BCL2: variants seen among roughly 807,000 people sequenced by gnomAD.
The protein encoded by BCL2 is BCL2 apoptosis regulator.
Under a neutral mutation model 14.2 loss-of-function variants are expected in BCL2, and 1 was observed. That is an observed-to-expected ratio of 0.07 (90% CI 0.02 to 0.33). The LOEUF is 0.33. BCL2 is among the 10% of genes least tolerant of loss of function. The pLI is 0.99. For synonymous variants in BCL2, 151 were observed against 137.2 expected (o/e 1.10, Z -0.70); for missense variants, 247 against 305.9 (o/e 0.81, Z 1.44).
chr18:63,189,655 C>CA (rs1909229555), intron 2 of BCL2, among the ~76,000 whole-genome samples: 1 of 152,106 alleles, frequency 6.6e-6, no homozygotes, highest in South Asian at 2.1e-4. Context: ...GGAAGCCCCC[C>CA]AGATTGCCGA....
intron 2 of BCL2, among the ~76,000 whole-genome samples, chr18:63,243,559 C>T (rs1198400776): frequency 6.6e-6 from 1 of 152,058 alleles, no homozygotes; most frequent in African/African-American, 2.4e-5. Flanking sequence ...AAAAATTCAC[C>T]AGCATCCCAC....
At chr18:63,287,797 A>G (rs149788549) in intron 2 of BCL2, among the ~76,000 whole-genome samples, 1 of 152,352 alleles carries the variant, frequency 6.6e-6, no homozygotes, top group African/African-American at 2.4e-5. Context: ...CCAGAGATCT[A>G]GGGAAGAGAG....
At chr18:63,266,949 GA>G in intron 2 of BCL2, among the ~76,000 whole-genome samples, 1 of 152,240 alleles carries the variant, frequency 6.6e-6, no homozygotes, top group African/African-American at 2.4e-5. Flanking sequence ...AGACATCTCT[GA>G]AAAGTGCCCT....
rs1568222808 is a variant in BCL2, at chr18:63,169,395, TTCTTTCTTTTTCTTTC to T, written c.586-40652_586-40637del. 5.9e-3 allele frequency among the ~76,000 whole-genome samples: 725 copies of T among 123,210 alleles called. 77 individuals carry two copies. The highest frequency in any genetic ancestry group is 0.021 in the African/African-American group (522 of 24,864). 80.8% of individuals were successfully genotyped at this position (123,210 alleles called of 152,430 possible). ...TCTTTCTTTCTTTCTTTCTTTTTCT[TTCTTTCTTTTTCTTTC>T]TCTCTCTCTCTCTCTCTTTCTTTTT... On this transcript the variant is annotated intron_variant, in intron 2 of 2. Coordinates refer to ENST00000333681, the MANE Select transcript of BCL2 (RefSeq NM_000633.3).
chr18:63,231,582 G>A (rs1163945973), intron 2 of BCL2, among the ~76,000 whole-genome samples: 2 of 151,878 alleles, frequency 1.3e-5, no homozygotes, highest in Non-Finnish European at 2.9e-5. Context: ...TTCATAAGAT[G>A]TCATTAGCAA....
At chr18:63,221,508 T>C (rs1242189940) in intron 2 of BCL2, among the ~76,000 whole-genome samples, 1 of 152,148 alleles carries the variant, frequency 6.6e-6, no homozygotes, top group African/African-American at 2.4e-5. Context: ...AAGCCAGAGC[T>C]TTTATGTAAG....
In BCL2 at chr18:63,319,209, G is replaced by T; in HGVS notation, c.-322C>A. On this transcript the variant is annotated 5_prime_UTR_variant, in exon 1 of 3. Transcript: ENST00000333681. ...TAAGTACAGCATGATCCTCTGTCAA[G>T]TTTCCTTTTTGTAAAACCAAAACAA... 2.7e-6 allele frequency: 1 copy of T among 377,104 alleles called. No homozygotes were observed. The highest frequency in any genetic ancestry group is 4.0e-6 in the Non-Finnish European group (1 of 250,750). The allele number at this position is 377,104 out of a possible 1,614,324, so 23.4% of individuals were successfully genotyped here.
chr18:63,247,365 A>ATTTTTTTT, intron 2 of BCL2, among the ~76,000 whole-genome samples: 1 of 151,674 alleles, frequency 6.6e-6, no homozygotes, highest in African/African-American at 2.4e-5. Flanking sequence ...CCCCCAGCTA[A>ATTTTTTTT]TTTTGTATTT....
intron 2 of BCL2, among the ~76,000 whole-genome samples, chr18:63,209,712 G>T (rs1388404743): frequency 6.6e-6 from 1 of 152,116 alleles, no homozygotes; most frequent in Non-Finnish European, 1.5e-5. Flanking sequence ...ATTAGAGAGA[G>T]TAGGTGAGAT....
At chr18:63,194,657 C>T (rs1335901854) in intron 2 of BCL2, among the ~76,000 whole-genome samples, 1 of 152,010 alleles carries the variant, frequency 6.6e-6, no homozygotes, top group Non-Finnish European at 1.5e-5. Flanking sequence ...TTATGAACTA[C>T]AAAAAAATCA....
chr18:63,190,617 C>T (rs1263827926), intron 2 of BCL2, among the ~76,000 whole-genome samples: 1 of 152,240 alleles, frequency 6.6e-6, no homozygotes, highest in Admixed American at 6.5e-5. Flanking sequence ...TCCTGAGGGT[C>T]AAGCCCCTGG....
At chr18:63,160,196 A>G (rs914892197) in intron 2 of BCL2, among the ~76,000 whole-genome samples, 3 of 152,232 alleles carry the variant, frequency 2.0e-5, no homozygotes, top group African/African-American at 7.2e-5. Context: ...GTGTGGGAAG[A>G]AAGCCTAATC....
chr18:63,284,628 T>C (rs1395997815), intron 2 of BCL2, among the ~76,000 whole-genome samples: 4 of 152,154 alleles, frequency 2.6e-5, no homozygotes, highest in African/African-American at 9.7e-5. Flanking sequence ...AACAACTTCA[T>C]TAGTTTGAAA....
chr18:63,166,068 G>A (rs893602562), intron 2 of BCL2, among the ~76,000 whole-genome samples: 1 of 152,170 alleles, frequency 6.6e-6, no homozygotes, highest in African/African-American at 2.4e-5. Flanking sequence ...AGGACACAAA[G>A]CCTGGCCCTC....
intron 2 of BCL2, among the ~76,000 whole-genome samples, chr18:63,139,228 A>G (rs767718500): frequency 6.6e-5 from 10 of 152,248 alleles, no homozygotes; most frequent in Non-Finnish European, 8.8e-5. Flanking sequence ...TGGTCAGTCC[A>G]GTAATTCAAA....
At chr18:63,159,182 A>C (rs1052184940) in intron 2 of BCL2, among the ~76,000 whole-genome samples, 1 of 152,198 alleles carries the variant, frequency 6.6e-6, no homozygotes, top group East Asian at 1.9e-4. Context: ...TGACAAAAAG[A>C]CTGACTAGTG....
At chr18:63,239,482 C>T (rs943482411) in intron 2 of BCL2, among the ~76,000 whole-genome samples, 1 of 152,206 alleles carries the variant, frequency 6.6e-6, no homozygotes, top group African/African-American at 2.4e-5. Flanking sequence ...TGACTCACAC[C>T]TGTAATCACA....
intron 2 of BCL2, among the ~76,000 whole-genome samples, chr18:63,161,213 T>C (rs985172297): frequency 3.3e-5 from 5 of 152,154 alleles, no homozygotes; most frequent in Admixed American, 6.5e-5. Context: ...TTGAGTCACA[T>C]GTATTGTTCT....
chr18:63,240,795 A>C (rs961736597), intron 2 of BCL2, among the ~76,000 whole-genome samples: 2 of 152,182 alleles, frequency 1.3e-5, no homozygotes, highest in African/African-American at 4.8e-5. Flanking sequence ...TGAATACATG[A>C]CTTGTCTCTG....
Sources: allele counts gnomAD v4.1 joint callset (sites outside exome capture counted in the v4.1 genomes callset), GRCh38; gene constraint gnomAD v4.1.1; transcripts MANE v1.5; gene names NCBI Gene and HGNC (gene_info 2026-07-23, HGNC 2026-07-21).